GALNT17: variants seen among roughly 807,000 people sequenced by gnomAD.
The protein encoded by GALNT17 is UDP-GalNAc:polypeptide N-acetylgalactosaminyltransferase-like 3.
Under a neutral mutation model 63.7 loss-of-function variants are expected in GALNT17, and 29 were observed. That is an observed-to-expected ratio of 0.46 (90% CI 0.34 to 0.62). The LOEUF (loss-of-function observed/expected upper bound fraction) is 0.62, where lower values mean the gene tolerates loss of function less well. Ranked by LOEUF, GALNT17 falls within the 20% of genes least tolerant of loss-of-function variation. GALNT17 has a pLI of 0.01. For missense variants in GALNT17, 603 were observed against 799.6 expected, an observed-to-expected ratio of 0.75 and a Z score of 2.97; for synonymous variants, 305 against 318.3, an observed-to-expected ratio of 0.96 and a Z score of 0.45.
chr7:71,285,997 C>T (rs1337349800), intron 1 of GALNT17, among the ~76,000 whole-genome samples: 1 of 152,174 alleles, frequency 6.6e-6, no homozygotes, highest in African/African-American at 2.4e-5. Flanking sequence ...AAACTAAATG[C>T]GTTCCCAACC....
intron 6 of GALNT17, among the ~76,000 whole-genome samples, chr7:71,639,266 C>A (rs1283768607): frequency 6.6e-6 from 1 of 152,158 alleles, no homozygotes; most frequent in East Asian, 1.9e-4. Context: ...AAGGAGTCAA[C>A]AGATAAAAAC....
At chr7:71,182,634 A>T (rs1788755170) in intron 1 of GALNT17, among the ~76,000 whole-genome samples, 2 of 152,100 alleles carry the variant, frequency 1.3e-5, no homozygotes, top group Non-Finnish European at 2.9e-5. Context: ...CTCAGGTAAC[A>T]TTTTGAGAAC....
chr7:71,488,417 G>A (rs949842507), intron 5 of GALNT17, among the ~76,000 whole-genome samples: 11 of 152,074 alleles, frequency 7.2e-5, no homozygotes, highest in Non-Finnish European at 1.6e-4. Context: ...ATCACCTTCT[G>A]CACAGTGAGC....
rs1791664373 is a variant in GALNT17, at chr7:71,324,217, A to G, written c.239-11333A>G. 2.6e-5 allele frequency among the ~76,000 whole-genome samples: 4 copies of G among 152,150 alleles called. No individual in the cohort carries two copies. The South Asian group carries it at 8.3e-4, about 32-fold the overall frequency. ...TGAATTTCAAGCAAGCAGTGTTCAG[A>G]TTTGCATGTTGGAAAGCTCACTCCG... On this transcript the variant is annotated intron_variant, in intron 1 of 10. Transcript: ENST00000333538.
intron 4 of GALNT17, among the ~76,000 whole-genome samples, chr7:71,417,358 G>A (rs1394007896): frequency 1.3e-5 from 2 of 152,046 alleles, no homozygotes. Flanking sequence ...TGCATGCTGG[G>A]GTCTATTGCC....
chr7:71,146,037 A>T (rs1435740084), intron 1 of GALNT17, among the ~76,000 whole-genome samples: 1 of 151,766 alleles, frequency 6.6e-6, no homozygotes, highest in Non-Finnish European at 1.5e-5. Context: ...GAATATTTCT[A>T]TCCCTTTCCA....
chr7:71,174,278 C>T (rs907692145), intron 1 of GALNT17, among the ~76,000 whole-genome samples: 10 of 152,062 alleles, frequency 6.6e-5, no homozygotes, highest in African/African-American at 1.2e-4. Flanking sequence ...CATAGGTTAG[C>T]GGAGAAAGAA....
intron 5 of GALNT17, among the ~76,000 whole-genome samples, chr7:71,510,217 G>A (rs967637534): frequency 4.6e-5 from 7 of 152,154 alleles, no homozygotes; most frequent in Non-Finnish European, 8.8e-5. Context: ...AAAGTGTTGG[G>A]ATTACAGGCA....
chr7:71,621,901 C>G (rs1263093987), intron 6 of GALNT17, among the ~76,000 whole-genome samples: 1 of 152,112 alleles, frequency 6.6e-6, no homozygotes, highest in Admixed American at 6.5e-5. Context: ...GATCATGGAC[C>G]CTGGGGTTCA....
intron 9 of GALNT17, among the ~76,000 whole-genome samples, chr7:71,705,599 C>T (rs1307820218): frequency 6.6e-6 from 1 of 152,016 alleles, no homozygotes; most frequent in East Asian, 1.9e-4. Context: ...TTCATAATAG[C>T]CAAAGAATGG....
intron 6 of GALNT17, among the ~76,000 whole-genome samples, chr7:71,608,961 G>T (rs10236875): frequency 0.86 from 122,542 of 142,724 alleles, 51,447 homozygotes; most frequent in East Asian, 0.95. Context: ...TTTTTTTTTT[G>T]GTAGCGATGG....
chr7:71,472,046 G>A (rs1178955699), intron 5 of GALNT17, among the ~76,000 whole-genome samples: 3 of 152,024 alleles, frequency 2.0e-5, no homozygotes, highest in African/African-American at 4.8e-5. Flanking sequence ...TCTGGAGGCT[G>A]GGAAGTCCAA....
intron 2 of GALNT17, among the ~76,000 whole-genome samples, chr7:71,372,490 A>G (rs771681108): frequency 2.0e-5 from 3 of 151,852 alleles, no homozygotes; most frequent in Non-Finnish European, 2.9e-5. Context: ...TTAAGATAGA[A>G]TCTTGCTCTG....
chr7:71,243,421 C>G (rs921255812), intron 1 of GALNT17, among the ~76,000 whole-genome samples: 1 of 152,160 alleles, frequency 6.6e-6, no homozygotes, highest in Admixed American at 6.6e-5. Flanking sequence ...ATTTCAGTGT[C>G]TGCTCATCAT....
chr7:71,482,667 T>C (rs116296705), intron 5 of GALNT17, among the ~76,000 whole-genome samples: 3,233 of 152,212 alleles, frequency 0.021, 55 homozygotes, highest in African/African-American at 0.035. Flanking sequence ...TACCTAAGCA[T>C]ACCTAAACAT....
At chr7:71,177,797 A>G (rs1336393522) in intron 1 of GALNT17, among the ~76,000 whole-genome samples, 1 of 152,210 alleles carries the variant, frequency 6.6e-6, no homozygotes, top group Non-Finnish European at 1.5e-5. Context: ...TTGTTATTTC[A>G]GCCTGCATAT....
intron 5 of GALNT17, among the ~76,000 whole-genome samples, chr7:71,519,730 C>T (rs981402891): frequency 2.2e-4 from 33 of 152,284 alleles, no homozygotes; most frequent in African/African-American, 7.9e-4. Flanking sequence ...TCCCAAAGTG[C>T]TGGGATTACA....
At chr7:71,236,746 C>G (rs1417717784) in intron 1 of GALNT17, among the ~76,000 whole-genome samples, 1 of 152,144 alleles carries the variant, frequency 6.6e-6, no homozygotes. Context: ...GGGCACCTGC[C>G]CTTGACCTCC....
intron 6 of GALNT17, among the ~76,000 whole-genome samples, chr7:71,654,154 T>C (rs1011276023): frequency 2.0e-5 from 3 of 152,172 alleles, no homozygotes; most frequent in African/African-American, 7.2e-5. Context: ...TAGCTGGGAT[T>C]ACAAGCACCT....
Sources: allele counts gnomAD v4.1 joint callset (sites outside exome capture counted in the v4.1 genomes callset), GRCh38; gene constraint gnomAD v4.1.1; transcripts MANE v1.5; gene names NCBI Gene and HGNC (gene_info 2026-07-23, HGNC 2026-07-21).